U2SURP: variants seen among roughly 807,000 people sequenced by gnomAD.
U2SURP encodes U2 snRNP-associated SURP motif-containing protein.
U2SURP carries 9 observed loss-of-function variants against 144.9 expected under a neutral mutation model. The observed-to-expected ratio is 0.06, with a 90% CI of 0.04 to 0.11. The LOEUF is 0.11. U2SURP is among the 10% of genes least tolerant of loss of function. The pLI is 1.00. For missense variants in U2SURP, 724 were observed against 1,226.7 expected, an observed-to-expected ratio of 0.59 and a Z score of 6.12; for synonymous variants, 408 against 396.8, an observed-to-expected ratio of 1.03 and a Z score of -0.33.
In U2SURP at chr3:143,056,466, T is replaced by C. The variant is rs1935158029; in HGVS notation, c.*16T>C. ...CAAACACTGACGTAAATTTTTAAGATGCTGTCACTTATTGGAAATGCGATT... is the reference window on the plus strand; with the variant it reads ...CAAACACTGACGTAAATTTTTAAGACGCTGTCACTTATTGGAAATGCGATT... On this transcript the variant is annotated 3_prime_UTR_variant, in exon 28 of 28. Coordinates refer to ENST00000473835, the MANE Select transcript of U2SURP (RefSeq NM_001080415.2). 1 of 1,609,738 alleles carries C rather than the reference T, an allele frequency of 6.2e-7. No homozygotes were observed. The highest frequency in any genetic ancestry group is 1.3e-5 in the African/African-American group (1 of 74,734).
In U2SURP at chr3:143,060,536, T is replaced by C. The variant is rs868135630; in HGVS notation, c.*4086T>C. The C allele has an allele frequency of 6.6e-6, 1 of 152,106 alleles. No homozygotes were observed. Among genetic ancestry groups the C allele is most frequent in the African/African-American group, 2.4e-5 (1 of 41,564 alleles). 9.4% of individuals were successfully genotyped at this position (152,106 alleles called of 1,614,324 possible). A position where few individuals can be genotyped will look rare whatever the true frequency, so the allele number is the denominator to read the frequency against. ...TTTTAATTAATAAAAGTACATTGTT[T>C]TCATAGCAAACTTAGACTGTCCATG... On this transcript the variant is annotated 3_prime_UTR_variant, in exon 28 of 28. Coordinates refer to ENST00000473835, the MANE Select transcript of U2SURP (RefSeq NM_001080415.2).
chr3:143,026,397 T>C (rs1432166230), intron 13 of U2SURP: 1 of 152,160 alleles, frequency 6.6e-6, no homozygotes, highest in African/African-American at 2.4e-5. Context: ...CTCCATTCAC[T>C]TAAGGCTTTG....
At chr3:143,001,801 C>T (rs1182102645) in intron 1 of U2SURP, 128 bp downstream of exon 1, 2 of 1,221,900 alleles carry the variant, frequency 1.6e-6, no homozygotes, top group East Asian at 2.6e-5. Flanking sequence ...TAGGCCCGGG[C>T]GCCGCCGCAC....
chr3:143,012,754 A>C (rs1230918816), intron 3 of U2SURP, among the ~76,000 whole-genome samples: 2 of 152,168 alleles, frequency 1.3e-5, no homozygotes, highest in East Asian at 3.8e-4. Context: ...AAACAGGAGC[A>C]GGTGCTATTC....
rs528139856 is a variant in U2SURP at position 143,057,568 on chromosome 3, G to T, written c.*1118G>T. Reference sequence around the variant, plus strand: ...TCTATTATGAAAATAAATTTGCTACGGTATGAGGAAGAAATAAAACTTGTG... The same window carrying T: ...TCTATTATGAAAATAAATTTGCTACTGTATGAGGAAGAAATAAAACTTGTG... On this transcript the variant is annotated 3_prime_UTR_variant, in exon 28 of 28. Transcript: ENST00000473835. 1 of 151,922 alleles carries T rather than the reference G, an allele frequency of 6.6e-6. No individual in the cohort carries two copies. The allele number at this position is 151,922 out of a possible 1,614,324, so 9.4% of individuals were successfully genotyped here.
intron 16 of U2SURP, 135 bp downstream of exon 16, chr3:143,028,781 C>T (rs1316811867): frequency 1.4e-6 from 1 of 714,390 alleles, no homozygotes; most frequent in African/African-American, 1.9e-5. Context: ...TAACATCTTT[C>T]ATCATGTGCT....
intron 25 of U2SURP, 83 bp from the exon 26 acceptor site, chr3:143,053,593 T>A (rs1934997709): frequency 2.1e-6 from 2 of 955,666 alleles, no homozygotes; most frequent in African/African-American, 1.6e-5. Context: ...TTATTTCCTG[T>A]AAGAGAAGAT....
intron 24 of U2SURP, among the ~76,000 whole-genome samples, chr3:143,046,297 A>ATT (rs11400849): frequency 2.0e-3 from 208 of 106,414 alleles, no homozygotes; most frequent in African/African-American, 6.1e-3. Flanking sequence ...TTTATTTTTT[A>ATT]TTTTTTTTTA....
intron 24 of U2SURP, among the ~76,000 whole-genome samples, chr3:143,045,047 GCTCCTCTTTTA>G (rs1435340808): frequency 6.6e-6 from 1 of 152,084 alleles, no homozygotes; most frequent in East Asian, 1.9e-4. Flanking sequence ...ACCTACACAT[GCTCCTCTTTTA>G]CTCCTCTCAC....
chr3:143,007,571 A>G (rs1693822686), intron 1 of U2SURP, among the ~76,000 whole-genome samples: 1 of 151,078 alleles, frequency 6.6e-6, no homozygotes, highest in Non-Finnish European at 1.5e-5. Flanking sequence ...CCTCCCGAGT[A>G]GCTGGGACTA....
intron 18 of U2SURP, 59 bp from the exon 19 acceptor site, chr3:143,034,829 C>A: frequency 1.7e-6 from 2 of 1,156,066 alleles, no homozygotes; most frequent in South Asian, 1.4e-5. Flanking sequence ...GGCTGGCATG[C>A]TAAAAGGGAA....
Position 143,032,765 on chromosome 3 carries a change from T to A in U2SURP, c.1611-19T>A, listed in dbSNP as rs1465539411. ...AAATTGTATCTAAATATTTATAAGT[T>A]AAAACAATTTATGTTCAGACAGAGG... is the stretch of plus-strand genomic sequence containing the variant. On this transcript the variant is annotated intron_variant, in intron 16 of 27. Transcript: ENST00000473835. 6.3e-7 allele frequency: 1 copy of A among 1,596,942 alleles called. No individual in the cohort carries two copies. The highest frequency in any genetic ancestry group is 8.5e-7 in the Non-Finnish European group (1 of 1,172,536).
rs911394413 is a variant in U2SURP at position 143,058,879 on chromosome 3, T to A, written c.*2429T>A. 2.0e-5 allele frequency: 3 copies of A among 151,934 alleles called. No homozygotes were observed. Among genetic ancestry groups the A allele is most frequent in the Non-Finnish European group, 4.4e-5 (3 of 67,828 alleles). 9.4% of individuals were successfully genotyped at this position (151,934 alleles called of 1,614,324 possible). The stretch of plus-strand genomic sequence containing the variant: ...ATGTTCTATCTGTGGACACTTACTG[T>A]CCTCTACCACAGCTACGTGCCAGAG... On this transcript the variant is annotated 3_prime_UTR_variant, in exon 28 of 28. Transcript: ENST00000473835.
rs1245949540 is a variant in U2SURP, at chr3:143,027,040, TAGTC to T, written c.1275-106_1275-103del. The T allele has an allele frequency of 5.6e-5, 46 of 827,342 alleles. 1 individual carries two copies. The highest frequency in any genetic ancestry group is 4.8e-4 in the Admixed American group (20 of 41,702). The allele number at this position is 827,342 out of a possible 1,614,324, so 51.3% of individuals were successfully genotyped here. ...ACTTTTTTGGTATTAAATTCGGTGT[TAGTC>T]AGCAGAATAATCATTTTCTGCACAA... is the stretch of plus-strand genomic sequence containing the variant. On this transcript the variant is annotated intron_variant, in intron 13 of 27. Coordinates refer to ENST00000473835, the MANE Select transcript of U2SURP (RefSeq NM_001080415.2).
intron 1 of U2SURP, among the ~76,000 whole-genome samples, chr3:143,004,167 TTC>T (rs1935697197): frequency 6.6e-6 from 1 of 152,190 alleles, no homozygotes; most frequent in Admixed American, 6.5e-5. Flanking sequence ...GAACAGATAC[TTC>T]TGTTTCATGA....
rs1933592559 is a variant in U2SURP, at chr3:143,033,016, T to G, written c.1773+70T>G. 5 of 1,520,268 alleles carry G rather than the reference T, an allele frequency of 3.3e-6. No homozygotes were observed. In the Admixed American group the frequency reaches 7.9e-5, roughly 24 times the overall value. The allele number at this position is 1,520,268 out of a possible 1,614,324, so 94.2% of individuals were successfully genotyped here. ...TTGGGATTAGAATTGGTTTCCTTTTTGCACAAAGCACTTGACTGATGAGAT... is the reference window on the plus strand; with the variant it reads ...TTGGGATTAGAATTGGTTTCCTTTTGGCACAAAGCACTTGACTGATGAGAT... On this transcript the variant is annotated intron_variant, in intron 17 of 27. Coordinates refer to ENST00000473835, the MANE Select transcript of U2SURP (RefSeq NM_001080415.2).
At chr3:143,003,157 A>G (rs1398597638) in intron 1 of U2SURP, among the ~76,000 whole-genome samples, 3 of 152,194 alleles carry the variant, frequency 2.0e-5, no homozygotes, top group East Asian at 1.9e-4. Context: ...AGTGCTTCTC[A>G]TGACTGAATG....
chr3:143,050,788 A>C, intron 24 of U2SURP, 151 bp from the exon 25 acceptor site: 1 of 526,302 alleles, frequency 1.9e-6, no homozygotes, highest in Non-Finnish European at 3.4e-6. Context: ...ATTTTTGCCT[A>C]GTTGGACTTG....
At chr3:143,045,302 G>A (rs1934369181) in intron 24 of U2SURP, among the ~76,000 whole-genome samples, 1 of 151,216 alleles carries the variant, frequency 6.6e-6, no homozygotes, top group Non-Finnish European at 1.5e-5. Context: ...CCAGGAGGCG[G>A]AGCTTGCAGT....
Sources: gnomAD v4.1 joint callset for allele counts (sites outside exome capture counted in the v4.1 genomes callset) on GRCh38, gnomAD v4.1.1 for gene constraint, MANE v1.5 for transcripts, NCBI Gene and HGNC (gene_info 2026-07-23, HGNC 2026-07-21) for gene names.